The following RELN variants were observed in gnomAD, a reference collection of about 807,000 sequenced individuals.
The protein encoded by RELN is reelin.
In RELN, 108 loss-of-function variants were observed where a neutral mutation model predicts 427.6. The observed-to-expected ratio is 0.25, with a 90% CI of 0.22 to 0.30. The LOEUF (loss-of-function observed/expected upper bound fraction) is 0.30, where lower values mean the gene tolerates loss of function less well. Among genes scored for constraint, RELN ranks in the 10% least tolerant of loss-of-function variants. RELN has a pLI of 1.00. For synonymous variants in RELN, 1,524 were observed against 1,513.4 expected (o/e 1.01, Z -0.16); for missense variants, 3,715 against 4,302.8 (o/e 0.86, Z 3.82).
At chr7:103,753,249 T>C in intron 4 of RELN, 35 bp from the exon 5 acceptor site, 1 of 1,612,942 alleles carries the variant, frequency 6.2e-7, no homozygotes, top group Non-Finnish European at 8.5e-7. Context: ...AGACAACTGA[T>C]CAGGAATGAA....
At chr7:103,598,227 A>C (rs1174567375) in intron 24 of RELN, among the ~76,000 whole-genome samples, 1 of 152,246 alleles carries the variant, frequency 6.6e-6, no homozygotes, top group Non-Finnish European at 1.5e-5. Flanking sequence ...ACTGAAGTTA[A>C]TTCAGAGACA....
At position 103,861,381 on chromosome 7, in the gene RELN, G is replaced by A. The variant is rs187611503; in HGVS notation, c.338-27709C>T. On this transcript the variant is annotated intron_variant, in intron 2 of 64. Coordinates refer to ENST00000428762, the MANE Select transcript of RELN (RefSeq NM_005045.4). ...GTTTGGGGATGGGAAGGGAAGAGGT[G>A]GGACTTCAAAAAGCCTAAAGGTTGG... Among the ~76,000 whole-genome samples, 238 of 152,220 alleles carry A rather than the reference G, an allele frequency of 1.6e-3. 1 individual carries two copies. The highest frequency in any genetic ancestry group is 2.7e-3 in the Admixed American group (41 of 15,282).
intron 20 of RELN, among the ~76,000 whole-genome samples, chr7:103,612,612 A>G (rs1831986911): frequency 6.6e-6 from 1 of 152,194 alleles, no homozygotes; most frequent in African/African-American, 2.4e-5. Flanking sequence ...TTATGCATGA[A>G]GGAAATTCAC....
chr7:103,711,118 T>C (rs888360651), intron 8 of RELN, among the ~76,000 whole-genome samples: 2 of 152,208 alleles, frequency 1.3e-5, no homozygotes, highest in Non-Finnish European at 2.9e-5. Context: ...AAAAGTACTA[T>C]AGAACATTTC....
chr7:103,517,587 T>C (rs964055669), intron 49 of RELN, among the ~76,000 whole-genome samples: 2 of 152,202 alleles, frequency 1.3e-5, no homozygotes, highest in African/African-American at 2.4e-5. Context: ...GAACTCACAC[T>C]TGAGGTCTTT....
chr7:103,893,936 T>C (rs1794904899), intron 2 of RELN, among the ~76,000 whole-genome samples: 2 of 152,140 alleles, frequency 1.3e-5, no homozygotes, highest in South Asian at 2.1e-4. Context: ...ACAGCACTTA[T>C]TCTCCTTCCT....
rs34930399 is a variant in RELN at position 103,972,894 on chromosome 7, A to ATGTGTGTGTGTGTGTG, written c.226+16221_226+16236dup. Among the ~76,000 whole-genome samples, 477 of 149,268 alleles carry ATGTGTGTGTGTGTGTG rather than the reference A, an allele frequency of 3.2e-3. 1 individual carries two copies. Among genetic ancestry groups the ATGTGTGTGTGTGTGTG allele is most frequent in the East Asian group, 9.9e-3 (50 of 5,068 alleles). The stretch of plus-strand genomic sequence containing the variant: ...TGCTAATGTATGTGGGCATATGATT[A>ATGTGTGTGTGTGTGTG]TGTGTGTGTGTGTGTGTGTGTGTGT... On this transcript the variant is annotated intron_variant, in intron 1 of 64. Coordinates refer to ENST00000428762, the MANE Select transcript of RELN (RefSeq NM_005045.4).
chr7:103,651,789 A>T lies in RELN; in HGVS notation c.1764T>A (p.Ser588Arg). 3.1e-6 allele frequency: 5 copies of T among 1,611,278 alleles called. No individual in the cohort carries two copies. Among genetic ancestry groups the T allele is most frequent in the Non-Finnish European group, 3.4e-6 (4 of 1,178,324 alleles). The stretch of plus-strand genomic sequence containing the variant: ...GGTTGGTAGAAAATTCCAAGCTGAC[A>T]CTAATAAAACCAGAACAAGCACACA... Reference protein sequence around the residue: ...LGCGTHQPGNSVSLEFSTNHG... With the variant: ...LGCGTHQPGNRVSLEFSTNHG... The change falls in exon 15 of 65, where the codon AGT (serine) becomes AGA (arginine). Residue 588 changes from serine (S) to arginine (R), a missense_variant and splice_region_variant. Ser to Arg is a moderately radical substitution (Grantham distance 110, BLOSUM62 -1). Coordinates refer to ENST00000428762, the MANE Select transcript of RELN (RefSeq NM_005045.4).
At chr7:103,750,072 T>C (rs1790958394) in intron 5 of RELN, among the ~76,000 whole-genome samples, 1 of 152,186 alleles carries the variant, frequency 6.6e-6, no homozygotes, top group Admixed American at 6.5e-5. Flanking sequence ...CTTAGTCTCC[T>C]GGGTTCAAGC....
At chr7:103,638,040 G>A (rs991288952) in intron 17 of RELN, among the ~76,000 whole-genome samples, 3 of 151,416 alleles carry the variant, frequency 2.0e-5, no homozygotes, top group Admixed American at 6.6e-5. Flanking sequence ...ATATAATGCT[G>A]ATAAAGATAA....
At chr7:103,588,222 C>A (rs982892933) in intron 28 of RELN, among the ~76,000 whole-genome samples, 2 of 152,100 alleles carry the variant, frequency 1.3e-5, no homozygotes, top group Non-Finnish European at 2.9e-5. Flanking sequence ...TTTGCAGCAA[C>A]ATGGATGGAA....
chr7:103,683,679 C>T (rs558141922), intron 10 of RELN, among the ~76,000 whole-genome samples: 1 of 152,200 alleles, frequency 6.6e-6, no homozygotes, highest in African/African-American at 2.4e-5. Flanking sequence ...ATGTATGGTA[C>T]ATAATATTTG....
intron 5 of RELN, among the ~76,000 whole-genome samples, chr7:103,749,865 T>C (rs919553955): frequency 1.3e-5 from 2 of 152,208 alleles, no homozygotes; most frequent in African/African-American, 4.8e-5. Context: ...CCATCTTGAA[T>C]TGTAGTTCCC....
chr7:103,875,384 T>A (rs1794454930), intron 2 of RELN, among the ~76,000 whole-genome samples: 1 of 152,082 alleles, frequency 6.6e-6, no homozygotes, highest in African/African-American at 2.4e-5. Flanking sequence ...AAAGATCTTC[T>A]GCACAGCAAA....
chr7:103,633,076 A>T (rs963130145), intron 19 of RELN, among the ~76,000 whole-genome samples: 7 of 152,138 alleles, frequency 4.6e-5, no homozygotes, highest in Admixed American at 4.6e-4. Flanking sequence ...GATATATTAA[A>T]TTTTTATTAA....
intron 1 of RELN, among the ~76,000 whole-genome samples, chr7:103,942,955 C>A (rs1796146552): frequency 6.6e-6 from 1 of 151,936 alleles, no homozygotes. Context: ...TGGAGAACCA[C>A]TGCTTTGTTT....
At chr7:103,917,673 G>A (rs1165157556) in intron 1 of RELN, among the ~76,000 whole-genome samples, 1 of 151,716 alleles carries the variant, frequency 6.6e-6, no homozygotes, top group Non-Finnish European at 1.5e-5. Flanking sequence ...GTTCCCTGAA[G>A]TTTTCCAACA....
chr7:103,569,964 A>G lies in RELN; in HGVS notation c.4588+2220T>C, dbSNP rs780295308. ...TTTGATTTTAATTCCAAATATGTAA[A>G]TTGATGCTTCAGCTTGAGTAAGTAA... is the stretch of plus-strand genomic sequence containing the variant. On this transcript the variant is annotated intron_variant, in intron 31 of 64. Transcript: ENST00000428762. The surrounding 1 kb of genome is among the most constrained non-coding windows in gnomAD (Gnocchi z 4.0). Among the ~76,000 whole-genome samples the G allele has an allele frequency of 6.6e-6, 1 of 152,236 alleles. No homozygotes were observed. Among genetic ancestry groups the G allele is most frequent in the Non-Finnish European group, 1.5e-5 (1 of 68,050 alleles).
rs140566032 is a variant in RELN, at chr7:103,835,715, G to A, written c.338-2043C>T. On this transcript the variant is annotated intron_variant, in intron 2 of 64. Transcript: ENST00000428762. ...ACTGGCTTTGTGACCTTGGACAAATGATTTACTCTCTTTGAGATCCAGTTT... is the reference window on the plus strand; with the variant it reads ...ACTGGCTTTGTGACCTTGGACAAATAATTTACTCTCTTTGAGATCCAGTTT... Among the ~76,000 whole-genome samples, 817 of 152,244 alleles carry A rather than the reference G, an allele frequency of 5.4e-3. 6 individuals are homozygous for A. The highest frequency in any genetic ancestry group is 0.018 in the African/African-American group (764 of 41,546).
Sources: gnomAD v4.1 joint callset for allele counts (sites outside exome capture counted in the v4.1 genomes callset) on GRCh38, gnomAD v4.1.1 for gene constraint, Gnocchi (gnomAD v3.1) non-coding constraint, MANE v1.5 for transcripts, NCBI Gene and HGNC (gene_info 2026-07-23, HGNC 2026-07-21) for gene names.